The following EBF4 variants were observed in gnomAD, a reference collection of about 807,000 sequenced individuals.
The protein encoded by EBF4 is EBF transcription factor 4, also known as transcription factor COE4.
In EBF4, 34 loss-of-function variants were observed where a neutral mutation model predicts 67.1. That is an observed-to-expected ratio of 0.51 (90% CI 0.39 to 0.67). The LOEUF is 0.67. Ranked by LOEUF, EBF4 falls within the 30% of genes least tolerant of loss-of-function variation. The probability of loss-of-function intolerance (pLI) is 0.00; values close to 1 mark genes in which losing one functional copy is unlikely to be tolerated. For missense variants in EBF4, 837 were observed against 873.3 expected (o/e 0.96, Z 0.52); for synonymous variants, 387 against 377.7 (o/e 1.02, Z -0.29).
At chr20:2,713,773 G>T (rs1339876912) in intron 6 of EBF4, among the ~76,000 whole-genome samples, 2 of 152,166 alleles carry the variant, frequency 1.3e-5, no homozygotes, top group Non-Finnish European at 2.9e-5. Flanking sequence ...AATTCTGATG[G>T]GGCCAAAGGA....
At position 2,693,706 on chromosome 20, in the gene EBF4, C is replaced by A; in HGVS notation, c.61C>A (p.Leu21Met). ...GCTGAACCTGAAGGAGGAGCCGCTG[C>A]TGCCCGCCGGCCTGGGCTCAGTGCG... The change falls in exon 1 of 17, where the codon CTG becomes ATG. Residue 21 changes from leucine to methionine, a missense_variant. Transcript: ENST00000609451. The surrounding 1 kb of genome is among the most constrained non-coding windows in gnomAD (Gnocchi z 4.6). 1 of 1,423,124 alleles carries A rather than the reference C, an allele frequency of 7.0e-7. No individual in the cohort carries two copies. The highest frequency in any genetic ancestry group is 1.4e-5 in the South Asian group (1 of 69,878). The allele number at this position is 1,423,124 out of a possible 1,614,324, so 88.2% of individuals were successfully genotyped here.
At chr20:2,717,862 G>A (rs2087631007) in intron 6 of EBF4, among the ~76,000 whole-genome samples, 1 of 151,004 alleles carries the variant, frequency 6.6e-6, no homozygotes, top group Non-Finnish European at 1.5e-5. Flanking sequence ...TCAGGCTGGA[G>A]TGCAGTGGCA....
At position 2,751,808 on chromosome 20, in the gene EBF4, G is replaced by T. The variant is rs1052380330; in HGVS notation, c.1107+20G>T. ...CCCAAGGTACTCAGAGGGGCGGGGC[G>T]GGGCGGGGCTGAGGGTGTCCTGTGG... On this transcript the variant is annotated intron_variant, in intron 11 of 16. Transcript: ENST00000609451. This position sits in a 1 kb window ranked among gnomAD's most constrained non-coding sequence, Gnocchi z 5.2. 48 of 1,548,968 alleles carry T rather than the reference G, an allele frequency of 3.1e-5. 1 individual carries two copies. The highest frequency in any genetic ancestry group is 1.4e-4 in the Admixed American group (7 of 50,980).
rs984049327 is a variant in EBF4, at chr20:2,756,463, T to G, written c.1738+639T>G. ...GGAGGACAGAGGAAGGGACTGGCTG[T>G]GGAAAAGGAGGAGGCAACAGGATGT... On this transcript the variant is annotated intron_variant, in intron 15 of 16. Coordinates refer to ENST00000609451, the Ensembl canonical transcript of EBF4. The surrounding 1 kb of genome is among the most constrained non-coding windows in gnomAD (Gnocchi z 4.5). 4.6e-5 allele frequency among the ~76,000 whole-genome samples: 7 copies of G among 152,132 alleles called. No homozygotes were observed. Among genetic ancestry groups the G allele is most frequent in the Non-Finnish European group, 8.8e-5 (6 of 68,014 alleles).
At chr20:2,708,412 G>C (rs1382388187) in intron 5 of EBF4, among the ~76,000 whole-genome samples, 2 of 152,218 alleles carry the variant, frequency 1.3e-5, no homozygotes, top group Non-Finnish European at 1.5e-5. Flanking sequence ...CAGCTCTCTG[G>C]CAGGGCAGGG....
Position 2,737,902 on chromosome 20 carries a change from T to C in EBF4, c.558-10647T>C, listed in dbSNP as rs1218963708. 2.0e-5 allele frequency among the ~76,000 whole-genome samples: 3 copies of C among 149,566 alleles called. No individual in the cohort carries two copies. In the South Asian group the frequency reaches 6.4e-4, roughly 32 times the overall value. ...ATCACTTGAACCCAGGAGGCAGAGG[T>C]TGCAGTGAGCCGAGATCGCGCCATT... On this transcript the variant is annotated intron_variant, in intron 6 of 16. Transcript: ENST00000609451.
chr20:2,693,455 A>C, upstream of EBF4: 1 of 481,332 alleles, frequency 2.1e-6, no homozygotes, highest in Non-Finnish European at 3.2e-6. The surrounding 1 kb of genome is among the most constrained non-coding windows in gnomAD (Gnocchi z 4.6). Context: ...AGGGGAGGGG[A>C]CAGCGCCGGC....
intron 3 of EBF4, 75 bp downstream of exon 3, chr20:2,706,112 C>A (rs2087454132): frequency 1.3e-6 from 2 of 1,545,852 alleles, no homozygotes; most frequent in African/African-American, 1.4e-5. Context: ...ACACCTAATG[C>A]CCCCTGTGCC....
At chr20:2,758,943 T>C in exon 16 of EBF4, 1 of 1,551,818 alleles carries the variant, frequency 6.4e-7, no homozygotes, top group Non-Finnish European at 8.7e-7. Flanking sequence ...AGTTTCACTC[T>C]CCAGCCCGGG....
chr20:2,694,597 T>C (rs766351213), intron 1 of EBF4, among the ~76,000 whole-genome samples: 1 of 152,124 alleles, frequency 6.6e-6, no homozygotes, highest in African/African-American at 2.4e-5. Context: ...AGGTATCCTA[T>C]GGGGAGTCAC....
intron 6 of EBF4, among the ~76,000 whole-genome samples, chr20:2,721,246 CT>C (rs146844927): frequency 0.02 from 2,189 of 108,072 alleles, 31 homozygotes; most frequent in African/African-American, 0.064. Context: ...TGATTCTCTT[CT>C]TTTTTTTTTT....
In EBF4 at chr20:2,722,514, T is replaced by C. The variant is rs560152259; in HGVS notation, c.557+12872T>C. On this transcript the variant is annotated intron_variant, in intron 6 of 16. Coordinates refer to ENST00000609451, the Ensembl canonical transcript of EBF4. ...CTCCGCAAATCTCTAGGATACTCTT[T>C]GTATGCAGCTGTCTCCTCTCCAAGA... 3.3e-5 allele frequency among the ~76,000 whole-genome samples: 5 copies of C among 152,342 alleles called. No individual in the cohort carries two copies. In the South Asian group the frequency reaches 1.0e-3, roughly 32 times the overall value.
chr20:2,714,741 G>T (rs2087586299), intron 6 of EBF4, among the ~76,000 whole-genome samples: 3 of 152,140 alleles, frequency 2.0e-5, no homozygotes, highest in Admixed American at 1.3e-4. Context: ...GTGATGAGTT[G>T]TCCATATTTT....
At chr20:2,713,298 G>A (rs959491107) in intron 6 of EBF4, among the ~76,000 whole-genome samples, 1 of 152,150 alleles carries the variant, frequency 6.6e-6, no homozygotes, top group Non-Finnish European at 1.5e-5. Context: ...GGAAAAGCAG[G>A]GAAGACAGAG....
Position 2,751,850 on chromosome 20 carries a change from G to T in EBF4, c.1107+62G>T. 6.5e-7 allele frequency: 1 copy of T among 1,538,690 alleles called. No homozygotes were observed. The highest frequency in any genetic ancestry group is 8.8e-7 in the Non-Finnish European group (1 of 1,137,752). ...GTCCTGTGGGCAAGGGGGTGAGGAGGGGCTCCCGAGGGCCCCTTGGTCGCC... is the reference window on the plus strand; with the variant it reads ...GTCCTGTGGGCAAGGGGGTGAGGAGTGGCTCCCGAGGGCCCCTTGGTCGCC... On this transcript the variant is annotated intron_variant, in intron 11 of 16. Coordinates refer to ENST00000609451, the Ensembl canonical transcript of EBF4. The surrounding 1 kb of genome is among the most constrained non-coding windows in gnomAD (Gnocchi z 5.2).
At chr20:2,749,350 C>T in intron 7 of EBF4, 51 bp from the exon 8 acceptor site, 2 of 1,420,786 alleles carry the variant, frequency 1.4e-6, no homozygotes, top group Non-Finnish European at 9.5e-7. Context: ...ACATTCCCCT[C>T]CCGGGAGCCC....
At chr20:2,749,653 G>A in exon 9 of EBF4, 2 of 1,566,836 alleles carry the variant, frequency 1.3e-6, no homozygotes, top group Non-Finnish European at 1.7e-6. Context: ...ATCAGCCCCG[G>A]GGAGGGCTGG....
At chr20:2,749,747 G>T in exon 9 of EBF4, 1 of 1,535,798 alleles carries the variant, frequency 6.5e-7, no homozygotes, top group South Asian at 1.2e-5. Flanking sequence ...TGCTCGTGTG[G>T]AGCGAGGTGG....
chr20:2,730,848 C>T (rs1294688543), intron 6 of EBF4, among the ~76,000 whole-genome samples: 1 of 152,182 alleles, frequency 6.6e-6, no homozygotes, highest in Non-Finnish European at 1.5e-5. Context: ...TCAGTCAGTG[C>T]TCCAATCATA....
Sources: allele counts gnomAD v4.1 joint callset (sites outside exome capture counted in the v4.1 genomes callset), GRCh38; gene constraint gnomAD v4.1.1; non-coding constraint Gnocchi (gnomAD v3.1); transcripts MANE v1.5; gene names NCBI Gene and HGNC (gene_info 2026-07-23, HGNC 2026-07-21).